SORCS1: variants seen among roughly 807,000 people sequenced by gnomAD.
The protein encoded by SORCS1 is VPS10 domain-containing receptor SorCS1.
In SORCS1, 60 loss-of-function variants were observed where a neutral mutation model predicts 146.1. The ratio of observed to expected loss-of-function variants is 0.41; its 90% CI spans 0.33 to 0.51. The LOEUF (loss-of-function observed/expected upper bound fraction) is 0.51. Ranked by LOEUF, SORCS1 falls within the 20% of genes least tolerant of loss-of-function variation. The pLI is 0.21. For missense variants in SORCS1, 1,352 were observed against 1,487.6 expected (o/e 0.91, Z 1.50); for synonymous variants, 637 against 584.0 (o/e 1.09, Z -1.31).
chr10:106,955,390 A>G (rs1954889292), intron 2 of SORCS1, among the ~76,000 whole-genome samples: 1 of 152,210 alleles, frequency 6.6e-6, no homozygotes. Flanking sequence ...CAGCTGGCGC[A>G]CCTGGCTTGC....
At chr10:107,095,208 A>T (rs1480555565) in intron 1 of SORCS1, among the ~76,000 whole-genome samples, 1 of 152,232 alleles carries the variant, frequency 6.6e-6, no homozygotes, top group African/African-American at 2.4e-5. Context: ...CACAAGCATT[A>T]GGATGGGGAC....
intron 1 of SORCS1, among the ~76,000 whole-genome samples, chr10:106,969,240 G>A (rs992464479): frequency 1.2e-4 from 19 of 152,132 alleles, no homozygotes; most frequent in African/African-American, 2.4e-5. Context: ...GCTAGTGGGT[G>A]GGTATAAAAA....
intron 2 of SORCS1, among the ~76,000 whole-genome samples, chr10:106,919,769 A>G (rs915332647): frequency 1.3e-5 from 2 of 152,220 alleles, no homozygotes; most frequent in Non-Finnish European, 2.9e-5. Context: ...GAGCAACAGA[A>G]TATGAGTGGA....
intron 3 of SORCS1, among the ~76,000 whole-genome samples, chr10:106,777,527 G>C (rs1860540967): frequency 6.6e-6 from 1 of 152,160 alleles, no homozygotes; most frequent in Admixed American, 6.5e-5. Flanking sequence ...AAGTCTACAT[G>C]ACTCTCTAAA....
chr10:107,028,786 A>G (rs1238769013), intron 1 of SORCS1, among the ~76,000 whole-genome samples: 2 of 152,168 alleles, frequency 1.3e-5, no homozygotes, highest in Admixed American at 6.5e-5. Flanking sequence ...TCAGTCTCTC[A>G]TTATCTCTCT....
chr10:106,684,225 C>T (rs1852648772), intron 10 of SORCS1, among the ~76,000 whole-genome samples: 1 of 152,182 alleles, frequency 6.6e-6, no homozygotes, highest in Non-Finnish European at 1.5e-5. Flanking sequence ...GTAATCCCAT[C>T]TACTCGGGAG....
rs561436410 is a variant in SORCS1, at chr10:106,809,557, C to A, written c.726+20017G>T. ...ACAGCCCAGCTTTGGCAGCACTGGG[C>A]AGAGGAAGGCTGAGCTCCTGAGTAC... On this transcript the variant is annotated intron_variant, in intron 3 of 25. Coordinates refer to ENST00000263054, the MANE Select transcript of SORCS1 (RefSeq NM_052918.5). Among the ~76,000 whole-genome samples, 10 of 152,200 alleles carry A rather than the reference C, an allele frequency of 6.6e-5. No individual in the cohort carries two copies. The East Asian group carries it at 1.7e-3, about 26-fold the overall frequency.
At chr10:106,739,908 G>A (rs1024946704) in intron 5 of SORCS1, among the ~76,000 whole-genome samples, 1 of 148,780 alleles carries the variant, frequency 6.7e-6, no homozygotes, top group African/African-American at 2.5e-5. Context: ...CTGAGATCAC[G>A]CCATTGAGCT....
chr10:106,993,076 G>A (rs12268682), intron 1 of SORCS1, among the ~76,000 whole-genome samples: 5 of 151,134 alleles, frequency 3.3e-5, no homozygotes, highest in East Asian at 1.9e-4. Context: ...GTGATCTGCC[G>A]GCCTCGGCCT....
chr10:106,957,165 G>GTTTTTTTTTTTTTTTTTTT lies in SORCS1; in HGVS notation c.559-586_559-585insAAAAAAAAAAAAAAAAAAA, dbSNP rs374081494. Among the ~76,000 whole-genome samples the GTTTTTTTTTTTTTTTTTTT allele has an allele frequency of 2.2e-5, 3 of 138,032 alleles. 1 individual carries two copies. The highest frequency in any genetic ancestry group is 1.5e-5 in the Non-Finnish European group (1 of 65,688). 90.6% of individuals were successfully genotyped at this position (138,032 alleles called of 152,430 possible). On this transcript the variant is annotated intron_variant, in intron 1 of 25. Coordinates refer to ENST00000263054, the MANE Select transcript of SORCS1 (RefSeq NM_052918.5). ...ATCTATTAGCATGTGGTTTTTTTTTGTTTTTTTTGTTTTTTTTTTTGGAGA... is the reference window on the plus strand; with the variant it reads ...ATCTATTAGCATGTGGTTTTTTTTTGTTTTTTTTTTTTTTTTTTTTTTTTTTTGTTTTTTTTTTTGGAGA...
chr10:106,840,828 T>C (rs1948994850), intron 2 of SORCS1, among the ~76,000 whole-genome samples: 2 of 147,260 alleles, frequency 1.4e-5, no homozygotes, highest in African/African-American at 5.0e-5. Context: ...ATAATTCACA[T>C]TTTTTAGTTA....
chr10:107,164,751 T>TG (rs1031922229), upstream of SORCS1, among the ~76,000 whole-genome samples: 14 of 148,686 alleles, frequency 9.4e-5, no homozygotes, highest in African/African-American at 3.2e-4. The surrounding 1 kb of genome is among the most constrained non-coding windows in gnomAD (Gnocchi z 6.8). Flanking sequence ...CGCGCGGGGG[T>TG]GGAGCTGAGC....
chr10:106,976,071 G>A (rs1490837403), intron 1 of SORCS1, among the ~76,000 whole-genome samples: 2 of 150,580 alleles, frequency 1.3e-5, no homozygotes, highest in South Asian at 2.1e-4. Context: ...GCTTGAACCC[G>A]GGAGGCAGAG....
chr10:107,130,898 C>T (rs1002953981), intron 1 of SORCS1, among the ~76,000 whole-genome samples: 1 of 152,048 alleles, frequency 6.6e-6, no homozygotes, highest in African/African-American at 2.4e-5. Context: ...AGAATGTTTC[C>T]ATCATCCCCA....
chr10:106,879,887 A>G (rs1373050616), intron 2 of SORCS1, among the ~76,000 whole-genome samples: 5 of 152,222 alleles, frequency 3.3e-5, no homozygotes, highest in Non-Finnish European at 7.3e-5. Flanking sequence ...ATACCTTAAC[A>G]TCAGCCTTGT....
chr10:106,991,123 G>A (rs1956753138), intron 1 of SORCS1, among the ~76,000 whole-genome samples: 1 of 152,194 alleles, frequency 6.6e-6, no homozygotes, highest in South Asian at 2.1e-4. Context: ...ACCAGGTACA[G>A]CATAGAACTT....
intron 1 of SORCS1, among the ~76,000 whole-genome samples, chr10:106,979,979 A>T (rs937345658): frequency 6.6e-6 from 1 of 152,238 alleles, no homozygotes; most frequent in Non-Finnish European, 1.5e-5. Flanking sequence ...AGATATTGTG[A>T]TTATCATCAT....
chr10:107,049,293 T>C (rs1959862337), intron 1 of SORCS1, among the ~76,000 whole-genome samples: 1 of 132,482 alleles, frequency 7.5e-6, no homozygotes, highest in Non-Finnish European at 1.6e-5. Context: ...GGGGGAGGGA[T>C]AGCATTAGGA....
intron 4 of SORCS1, among the ~76,000 whole-genome samples, chr10:106,772,838 A>G (rs1046802864): frequency 6.6e-6 from 1 of 152,134 alleles, no homozygotes. Context: ...ATGAAACACA[A>G]TTAGAGCAGG....
Sources: allele counts gnomAD v4.1 joint callset (sites outside exome capture counted in the v4.1 genomes callset), GRCh38; gene constraint gnomAD v4.1.1; non-coding constraint Gnocchi (gnomAD v3.1); transcripts MANE v1.5; gene names NCBI Gene and HGNC (gene_info 2026-07-23, HGNC 2026-07-21).